The following TP63 variants were observed in gnomAD, a reference collection of about 807,000 sequenced individuals.
TP63 encodes tumor protein 63.
Under a neutral mutation model 82.8 loss-of-function variants are expected in TP63, and 17 were observed. The ratio of observed to expected loss-of-function variants is 0.21; its 90% CI spans 0.14 to 0.31. TP63 has a LOEUF of 0.31. Ranked by LOEUF, TP63 falls within the 10% of genes least tolerant of loss-of-function variation. The pLI is 1.00. For missense variants in TP63, 648 were observed against 895.3 expected (o/e 0.72, Z 3.52); for synonymous variants, 330 against 321.7 (o/e 1.03, Z -0.28).
At chr3:189,611,292 C>A in the TP63 span, among the ~76,000 whole-genome samples, 9 of 152,278 alleles carry the variant, frequency 5.9e-5, no homozygotes, top group Non-Finnish European at 1.2e-4. Flanking sequence ...ACATTGAAGC[C>A]TTTAATCCAT....
intron 1 of TP63, among the ~76,000 whole-genome samples, chr3:189,722,674 T>C (rs1249337789): frequency 1.3e-5 from 2 of 152,234 alleles, no homozygotes; most frequent in Non-Finnish European, 2.9e-5. Flanking sequence ...CCCAAAGTTA[T>C]ACACCTAGTA....
chr3:189,866,925 A>G (rs1390470021), intron 6 of TP63, 128 bp downstream of exon 6: 2 of 806,414 alleles, frequency 2.5e-6, no homozygotes, highest in Non-Finnish European at 2.1e-6. Flanking sequence ...CATCAAATAT[A>G]TAATATTTTT....
At chr3:189,737,017 A>G (rs1429841454) in intron 1 of TP63, among the ~76,000 whole-genome samples, 2 of 152,162 alleles carry the variant, frequency 1.3e-5, no homozygotes, top group African/African-American at 4.8e-5. Flanking sequence ...TGGAAAAAAT[A>G]AGTAAAGCAA....
At position 189,894,842 on chromosome 3, in the gene TP63, A is replaced by C; in HGVS notation, c.*340A>C. On this transcript the variant is annotated 3_prime_UTR_variant, in exon 14 of 14. Coordinates refer to ENST00000264731, the MANE Select transcript of TP63 (RefSeq NM_003722.5). ...TTATAGTCTAAGACTATATATATAA[A>C]TGTATAAATATACAGTATAGATTTT... is the stretch of plus-strand genomic sequence containing the variant. 1.1e-5 allele frequency: 3 copies of C among 268,176 alleles called. No individual in the cohort carries two copies. The highest frequency in any genetic ancestry group is 5.6e-5 in the East Asian group (1 of 17,896). The allele number at this position is 268,176 out of a possible 1,614,324, so 16.6% of individuals were successfully genotyped here. A position where few individuals can be genotyped will look rare whatever the true frequency, so the allele number is the denominator to read the frequency against.
intron 3 of TP63, 98 bp downstream of exon 3, chr3:189,738,872 T>G: frequency 1.3e-6 from 2 of 1,540,412 alleles, no homozygotes; most frequent in South Asian, 2.4e-5. Flanking sequence ...CAGGTGGCTC[T>G]GAATGGCCAA....
intron 4 of TP63, among the ~76,000 whole-genome samples, chr3:189,848,497 G>A (rs571334096): frequency 1.3e-5 from 2 of 152,058 alleles, no homozygotes; most frequent in South Asian, 4.2e-4. Context: ...GGGATGACAG[G>A]CATGAGCCAC....
chr3:189,664,500 C>G (rs1016233445), intron 1 of TP63, among the ~76,000 whole-genome samples: 3 of 152,122 alleles, frequency 2.0e-5, no homozygotes, highest in African/African-American at 7.2e-5. Flanking sequence ...GCATAGACAT[C>G]TGAATCCCAC....
At chr3:189,760,156 C>T (rs1722464016) in intron 3 of TP63, among the ~76,000 whole-genome samples, 1 of 152,094 alleles carries the variant, frequency 6.6e-6, no homozygotes, top group Admixed American at 6.5e-5. Context: ...TTCATTCCAC[C>T]CCTGGCCCCT....
intron 3 of TP63, among the ~76,000 whole-genome samples, chr3:189,765,432 G>GATTTTTTTTTTTTTTTTTT (rs1560167431): frequency 1.6e-4 from 1 of 6,186 alleles, no homozygotes; most frequent in Non-Finnish European, 3.7e-4. Context: ...CCTGTCCTCT[G>GATTTTTTTTTTTTTTTTTT]CTTTTTTTTT....
At chr3:189,875,603 T>TATATATATATAC (rs1718988868) in intron 10 of TP63, among the ~76,000 whole-genome samples, 1 of 35,114 alleles carries the variant, frequency 2.8e-5, no homozygotes, top group African/African-American at 7.8e-5. Flanking sequence ...CATATATATA[T>TATATATATATAC]ATATATATAT....
At chr3:189,820,195 C>G (rs1728658149) in intron 4 of TP63, among the ~76,000 whole-genome samples, 1 of 152,126 alleles carries the variant, frequency 6.6e-6, no homozygotes, top group South Asian at 2.1e-4. Context: ...TTACCTTTTG[C>G]TGTAAAAGCT....
At chr3:189,691,356 A>AAAAAG (rs1186443342) in intron 1 of TP63, among the ~76,000 whole-genome samples, 20 of 137,016 alleles carry the variant, frequency 1.5e-4, no homozygotes, top group Admixed American at 4.4e-4. Flanking sequence ...AAAAAAAAAA[A>AAAAAG]AAAAGAAAAA....
At chr3:189,763,846 C>G (rs997218780) in intron 3 of TP63, among the ~76,000 whole-genome samples, 5 of 152,140 alleles carry the variant, frequency 3.3e-5, no homozygotes, top group Non-Finnish European at 7.3e-5. Flanking sequence ...GTGTGACAAC[C>G]CTTACTTAAG....
At chr3:189,753,802 T>C (rs1721992748) in intron 3 of TP63, among the ~76,000 whole-genome samples, 1 of 152,138 alleles carries the variant, frequency 6.6e-6, no homozygotes, top group African/African-American at 2.4e-5. Context: ...TTTTAATTTA[T>C]CTATTTTAGT....
chr3:189,820,378 C>T (rs530683605), intron 4 of TP63, among the ~76,000 whole-genome samples: 6 of 152,298 alleles, frequency 3.9e-5, no homozygotes, highest in South Asian at 2.1e-4. Flanking sequence ...TTACCTAGCA[C>T]GGCATGGATT....
chr3:189,670,616 A>T (rs932339461), intron 1 of TP63, among the ~76,000 whole-genome samples: 2 of 152,102 alleles, frequency 1.3e-5, no homozygotes, highest in Non-Finnish European at 2.9e-5. Flanking sequence ...AGGACACATA[A>T]AAGATTGTAG....
chr3:189,711,651 G>A (rs558668119), intron 1 of TP63, among the ~76,000 whole-genome samples: 3 of 152,264 alleles, frequency 2.0e-5, no homozygotes, highest in Admixed American at 6.6e-5. Context: ...GGTAGAGAAC[G>A]GAGAAATTCA....
chr3:189,643,329 T>C (rs796355016), intron 1 of TP63, among the ~76,000 whole-genome samples: 3 of 152,242 alleles, frequency 2.0e-5, no homozygotes, highest in African/African-American at 7.2e-5. Context: ...GGACAGTCTA[T>C]TCTCCCTCTG....
chr3:189,887,496 G>T lies in TP63; in HGVS notation c.1507+945G>T, dbSNP rs1404516862. ...GCTAAGTACAAATGAAAAAGGCACT[G>T]TAAGAATTGGGCCTCCAAGTGGATG... On this transcript the variant is annotated intron_variant, in intron 11 of 13. Coordinates refer to ENST00000264731, the MANE Select transcript of TP63 (RefSeq NM_003722.5). Among the ~76,000 whole-genome samples, 11 of 152,214 alleles carry T rather than the reference G, an allele frequency of 7.2e-5. No homozygotes were observed. The South Asian group carries it at 2.3e-3, about 32-fold the overall frequency.
Sources: allele counts gnomAD v4.1 joint callset (sites outside exome capture counted in the v4.1 genomes callset), GRCh38; gene constraint gnomAD v4.1.1; transcripts MANE v1.5; gene names NCBI Gene and HGNC (gene_info 2026-07-23, HGNC 2026-07-21).